The following WDR3 variants were observed in gnomAD, a reference collection of about 807,000 sequenced individuals.
The protein encoded by WDR3 is WD repeat domain 3.
In WDR3, 81 loss-of-function variants were observed where a neutral mutation model predicts 123.7. The ratio of observed to expected loss-of-function variants is 0.65; its 90% CI spans 0.55 to 0.79. The LOEUF is 0.79. Ranked by LOEUF, WDR3 falls within the 30% of genes least tolerant of loss-of-function variation. The pLI is 0.00. For synonymous variants in WDR3, 390 were observed against 388.8 expected (o/e 1.00, Z -0.04); for missense variants, 1,027 against 1,123.2 (o/e 0.91, Z 1.22).
In WDR3 at chr1:117,954,905, T is replaced by A. The variant is rs74114929; in HGVS notation, c.2409+278T>A. ...AGTGTCCAAAGCCCTCTGAAGATTC[T>A]GTTAATCTAAATTAACTTTTGAATC... is the stretch of plus-strand genomic sequence containing the variant. On this transcript the variant is annotated intron_variant, in intron 23 of 26. Transcript: ENST00000349139. Among the ~76,000 whole-genome samples, 122 of 152,270 alleles carry A rather than the reference T, an allele frequency of 8.0e-4. 1 individual carries two copies. The highest frequency in any genetic ancestry group is 6.8e-3 in the Middle Eastern group (2 of 294).
chr1:117,953,350 C>G, intron 20 of WDR3, 126 bp from the exon 21 acceptor site: 2 of 903,226 alleles, frequency 2.2e-6, no homozygotes, highest in South Asian at 3.0e-5. Flanking sequence ...TTACTGGTAG[C>G]TGATAACACT....
intron 21 of WDR3, 71 bp downstream of exon 21, chr1:117,953,612 G>C (rs1234297776): frequency 2.6e-6 from 4 of 1,522,748 alleles, no homozygotes; most frequent in Non-Finnish European, 3.6e-6. Context: ...GTTTTATTCT[G>C]TATCAACCAG....
intron 12 of WDR3, among the ~76,000 whole-genome samples, chr1:117,947,283 CTA>C (rs1311630472): frequency 6.6e-6 from 1 of 152,126 alleles, no homozygotes; most frequent in African/African-American, 2.4e-5. Context: ...GGAACAAGGT[CTA>C]TGGAGTGTTT....
intron 6 of WDR3, 21 bp downstream of exon 6, chr1:117,939,593 TG>T: frequency 6.2e-7 from 1 of 1,609,126 alleles, no homozygotes. Context: ...CTTAAAATCA[TG>T]GGCAATATGT....
rs371392103 is a variant in WDR3, at chr1:117,939,544, G to A, written c.647G>A (p.Arg216Lys). ...ACTGGGGCCTCAGACAGTGAACTGA[G>A]GGTATGGGACATAGCTTATCTGCAA... is the stretch of plus-strand genomic sequence containing the variant. ...LITGASDSEL[R>K]VWDIAYLQEI... The change falls in exon 6 of 27, where the codon AGG becomes AAG. Residue 216 changes from arginine to lysine, a missense_variant. Coordinates refer to ENST00000349139, the MANE Select transcript of WDR3 (RefSeq NM_006784.3). The A allele has an allele frequency of 1.2e-6, 2 of 1,613,626 alleles. No homozygotes were observed. The highest frequency in any genetic ancestry group is 1.7e-5 in the Admixed American group (1 of 59,998).
chr1:117,936,737 T>G, intron 3 of WDR3, 32 bp from the exon 4 acceptor site: 1 of 1,530,858 alleles, frequency 6.5e-7, no homozygotes, highest in Non-Finnish European at 8.9e-7. Context: ...TAAAGAAAAT[T>G]ATTTTTCATC....
At chr1:117,934,888 C>G (rs540449871) in intron 3 of WDR3, among the ~76,000 whole-genome samples, 2 of 152,262 alleles carry the variant, frequency 1.3e-5, no homozygotes, top group South Asian at 4.2e-4. Flanking sequence ...TGATAAAAGC[C>G]TCTTAAGTGT....
Position 117,960,681 on chromosome 1 carries a change from T to C in WDR3, c.*1234T>C, listed in dbSNP as rs1456957077. On this transcript the variant is annotated 3_prime_UTR_variant, in exon 27 of 27. Transcript: ENST00000349139. ...GAGCTCACTGCATAGCAACAGGAGG[T>C]GGCTGTGAAATTATTTCAGTAACAT... is the stretch of plus-strand genomic sequence containing the variant. 1.3e-5 allele frequency: 2 copies of C among 152,172 alleles called. No individual in the cohort carries two copies. The highest frequency in any genetic ancestry group is 4.8e-5 in the African/African-American group (2 of 41,426). 9.4% of individuals were successfully genotyped at this position (152,172 alleles called of 1,614,324 possible). A position where few individuals can be genotyped will look rare whatever the true frequency, so the allele number is the denominator to read the frequency against.
In WDR3 at chr1:117,966,237, G is replaced by A. The variant is rs1653826539; in HGVS notation, c.*6790G>A. 6.2e-6 allele frequency: 1 copy of A among 162,232 alleles called. No individual in the cohort carries two copies. The highest frequency in any genetic ancestry group is 1.3e-5 in the Non-Finnish European group (1 of 74,588). 10.0% of individuals were successfully genotyped at this position (162,232 alleles called of 1,614,324 possible). A position where few individuals can be genotyped will look rare whatever the true frequency, so the allele number is the denominator to read the frequency against. ...TTTGGCTGAAGACACTGATAAGGAG[G>A]AATGCATGCATAATTCAGTGAATAC... On this transcript the variant is annotated 3_prime_UTR_variant, in exon 27 of 27. Transcript: ENST00000349139.
chr1:117,961,816 TAGGC>T lies in WDR3; in HGVS notation c.*2377_*2380del, dbSNP rs1272160362. Reference sequence around the variant, plus strand: ...AGGCATAACTATGAAGGCAAGAGAATAGGCAGGCAGGATAATGCATTCTAGGTGC... The same window carrying T: ...AGGCATAACTATGAAGGCAAGAGAATAGGCAGGATAATGCATTCTAGGTGC... On this transcript the variant is annotated 3_prime_UTR_variant, in exon 27 of 27. Transcript: ENST00000349139. 3 of 152,534 alleles carry T rather than the reference TAGGC, an allele frequency of 2.0e-5. No individual in the cohort carries two copies. Among genetic ancestry groups the T allele is most frequent in the Non-Finnish European group, 4.4e-5 (3 of 68,036 alleles). 9.4% of individuals were successfully genotyped at this position (152,534 alleles called of 1,614,324 possible).
chr1:117,935,920 G>T (rs531959073), intron 3 of WDR3, among the ~76,000 whole-genome samples: 121 of 151,972 alleles, frequency 8.0e-4, no homozygotes, highest in Non-Finnish European at 1.4e-3. Flanking sequence ...ATAACTTACA[G>T]TCAAATAAGA....
At chr1:117,957,957 A>G (rs1652460463) in intron 25 of WDR3, among the ~76,000 whole-genome samples, 1 of 152,266 alleles carries the variant, frequency 6.6e-6, no homozygotes, top group Admixed American at 6.5e-5. Context: ...TATGTTCATT[A>G]GGCTATATTC....
rs747617512 is a variant in WDR3, at chr1:117,959,463, T to A, written c.*16T>A. On this transcript the variant is annotated 3_prime_UTR_variant, in exon 27 of 27. Transcript: ENST00000349139. ...GTTGACTTAGAACTGAAATGTGGTA[T>A]CTTTTTTTTTTTCAACTTTTTCCTT... The A allele has an allele frequency of 3.2e-6, 5 of 1,570,710 alleles. No individual in the cohort carries two copies. In the East Asian group the frequency reaches 1.1e-4, roughly 36 times the overall value.
intron 23 of WDR3, among the ~76,000 whole-genome samples, chr1:117,954,921 C>T (rs1370715155): frequency 1.3e-5 from 2 of 152,042 alleles, no homozygotes; most frequent in African/African-American, 2.4e-5. Context: ...TCTAAATTAA[C>T]TTTTGAATCA....
chr1:117,941,766 T>G lies in WDR3; in HGVS notation c.908T>G (p.Leu303Arg). ...CCTTTCTAGGGAACTGACTCTGTGC[T>G]AGAATTGTTTTGTATCCTTTCCAAA... ...ILACHGTDSV[L>R]ELFCILSKKE... The change falls in exon 9 of 27, where the codon CTA becomes CGA. Residue 303 changes from leucine (L) to arginine (R), a missense_variant. Leu to Arg is a moderately radical substitution (Grantham distance 102, BLOSUM62 -2). Coordinates refer to ENST00000349139, the MANE Select transcript of WDR3 (RefSeq NM_006784.3). 1 of 1,611,542 alleles carries G rather than the reference T, an allele frequency of 6.2e-7. No individual in the cohort carries two copies. Among genetic ancestry groups the G allele is most frequent in the Admixed American group, 1.7e-5 (1 of 59,414 alleles).
Position 117,943,604 on chromosome 1 carries a change from G to A in WDR3, c.1306G>A (p.Asp436Asn). 2 of 1,614,088 alleles carry A rather than the reference G, an allele frequency of 1.2e-6. No homozygotes were observed. The highest frequency in any genetic ancestry group is 8.5e-7 in the Non-Finnish European group (1 of 1,180,006). Residue 436 changes from aspartate to asparagine, a missense_variant, in exon 11 of 27, where the codon GAT becomes AAT. Transcript: ENST00000349139. ...TATTGCTGTTCTTTCAGCTGCAGCT[G>A]ATTCCATTAAAATATGGAACAGGTT... ...DNIAVLSAAA[D>N]SIKIWNRSTL... is the part of the protein sequence containing the mutation.
chr1:117,953,371 T>C, intron 20 of WDR3, 105 bp from the exon 21 acceptor site: 1 of 1,136,328 alleles, frequency 8.8e-7, no homozygotes, highest in South Asian at 1.4e-5. Flanking sequence ...GTTAGTATTT[T>C]CATAAAATAA....
At position 117,962,209 on chromosome 1, in the gene WDR3, A is replaced by T. The variant is rs1653190044; in HGVS notation, c.*2762A>T. ...CGAAGAGAAGGAGAACTTTTATGAT[A>T]AAGTGACATGTACAGAACCTAGCCA... is the stretch of plus-strand genomic sequence containing the variant. On this transcript the variant is annotated 3_prime_UTR_variant, in exon 27 of 27. Coordinates refer to ENST00000349139, the MANE Select transcript of WDR3 (RefSeq NM_006784.3). 1 of 152,188 alleles carries T rather than the reference A, an allele frequency of 6.6e-6. No homozygotes were observed. Among genetic ancestry groups the T allele is most frequent in the African/African-American group, 2.4e-5 (1 of 41,440 alleles). 9.4% of individuals were successfully genotyped at this position (152,188 alleles called of 1,614,324 possible). A position where few individuals can be genotyped will look rare whatever the true frequency, so the allele number is the denominator to read the frequency against.
At chr1:117,956,737 A>G (rs1652254246) in intron 24 of WDR3, among the ~76,000 whole-genome samples, 1 of 152,212 alleles carries the variant, frequency 6.6e-6, no homozygotes, top group African/African-American at 2.4e-5. Context: ...AGTCATCATA[A>G]TAGACTCTAA....
Sources: allele counts gnomAD v4.1 joint callset (sites outside exome capture counted in the v4.1 genomes callset), GRCh38; gene constraint gnomAD v4.1.1; transcripts MANE v1.5; gene names NCBI Gene and HGNC (gene_info 2026-07-23, HGNC 2026-07-21).